NCKAP5: variants seen among roughly 807,000 people sequenced by gnomAD.
NCKAP5 encodes NCK associated protein 5.
In NCKAP5, 92 loss-of-function variants were observed where a neutral mutation model predicts 167.0. The ratio of observed to expected loss-of-function variants is 0.55; its 90% confidence interval spans 0.47 to 0.66. The LOEUF (loss-of-function observed/expected upper bound fraction) is 0.66. NCKAP5 is among the 30% of genes least tolerant of loss of function. The pLI is 0.00. For synonymous variants in NCKAP5, 891 were observed against 877.4 expected, an observed-to-expected ratio of 1.02 and a Z score of -0.27; for missense variants, 2,378 against 2,315.0, an observed-to-expected ratio of 1.03 and a Z score of -0.56.
chr2:132,885,789 T>C (rs1179862361), intron 8 of NCKAP5, among the ~76,000 whole-genome samples: 1 of 152,270 alleles, frequency 6.6e-6, no homozygotes, highest in African/African-American at 2.4e-5. Flanking sequence ...TCTGTAAGTA[T>C]GTATTATGTT....
At chr2:132,895,224 T>A (rs916656009) in intron 8 of NCKAP5, among the ~76,000 whole-genome samples, 2 of 151,300 alleles carry the variant, frequency 1.3e-5, no homozygotes, top group African/African-American at 4.9e-5. Flanking sequence ...CCAGCTACTC[T>A]GGAGGCTGAG....
chr2:133,166,612 G>A (rs1357436393), intron 5 of NCKAP5, among the ~76,000 whole-genome samples: 1 of 152,112 alleles, frequency 6.6e-6, no homozygotes, highest in Non-Finnish European at 1.5e-5. Context: ...CACAAATGAT[G>A]AAGTATGTTT....
intron 8 of NCKAP5, among the ~76,000 whole-genome samples, chr2:132,920,733 G>T (rs7424114): frequency 2.2e-4 from 12 of 53,732 alleles, no homozygotes; most frequent in African/African-American, 9.9e-4. Flanking sequence ...ATATATATAT[G>T]TATATATATG....
At chr2:133,186,826 T>C (rs577681541) in intron 5 of NCKAP5, among the ~76,000 whole-genome samples, 28 of 152,230 alleles carry the variant, frequency 1.8e-4, no homozygotes, top group African/African-American at 6.5e-4. Context: ...ATTACACTTA[T>C]TTGGACAATA....
chr2:133,242,729 C>T (rs1019629998), intron 4 of NCKAP5, among the ~76,000 whole-genome samples: 9 of 152,104 alleles, frequency 5.9e-5, no homozygotes, highest in Non-Finnish European at 1.0e-4. Context: ...TGAAAAACAG[C>T]GAAGACACTC....
At chr2:132,941,400 T>C (rs1365712629) in intron 8 of NCKAP5, among the ~76,000 whole-genome samples, 1 of 152,176 alleles carries the variant, frequency 6.6e-6, no homozygotes, top group East Asian at 1.9e-4. Flanking sequence ...GGTTATGCAA[T>C]GGCCCATGCT....
At chr2:133,313,399 TA>T (rs1681383814) in intron 3 of NCKAP5, among the ~76,000 whole-genome samples, 1 of 151,904 alleles carries the variant, frequency 6.6e-6, no homozygotes, top group Admixed American at 6.6e-5. Context: ...AATAATGAAA[TA>T]AATCTACACA....
rs986765246 is a variant in NCKAP5 at position 133,180,360 on chromosome 2, G to T, written c.207+33356C>A. On this transcript the variant is annotated intron_variant, in intron 5 of 19. Transcript: ENST00000409261. ...TCTTTTCTTTCTTTCTTTGAAACAG[G>T]GTCTCACTGTGTTGTTCAGGCTATA... Among the ~76,000 whole-genome samples, 3 of 151,916 alleles carry T rather than the reference G, an allele frequency of 2.0e-5. No homozygotes were observed. The South Asian group carries it at 6.3e-4, about 32-fold the overall frequency.
At chr2:133,647,755 A>AGGAAGGAAGG in the NCKAP5 span, among the ~76,000 whole-genome samples, 5 of 143,926 alleles carry the variant, frequency 3.5e-5, no homozygotes, top group African/African-American at 7.6e-5. Context: ...GAAGGAAAGA[A>AGGAAGGAAGG]AAGAAAAGAA....
At chr2:132,673,435 A>G in intron 19 of NCKAP5, 130 bp from the exon 20 acceptor site, 5 of 672,360 alleles carry the variant, frequency 7.4e-6, no homozygotes, top group Non-Finnish European at 1.1e-5. Context: ...GTCTTTAATA[A>G]TCTTCTAGTA....
intron 3 of NCKAP5, among the ~76,000 whole-genome samples, chr2:133,457,931 T>C (rs1258231094): frequency 2.0e-5 from 3 of 152,194 alleles, no homozygotes; most frequent in African/African-American, 7.2e-5. Flanking sequence ...TAAATTAGTG[T>C]GTAAGTGTGT....
At chr2:132,690,671 T>C (rs1354798939) in intron 19 of NCKAP5, among the ~76,000 whole-genome samples, 2 of 152,166 alleles carry the variant, frequency 1.3e-5, no homozygotes, top group African/African-American at 2.4e-5. Flanking sequence ...TGCTCCACTC[T>C]GCACCATAGG....
intron 3 of NCKAP5, among the ~76,000 whole-genome samples, chr2:133,327,865 A>G (rs1682557684): frequency 6.6e-6 from 1 of 152,086 alleles, no homozygotes; most frequent in East Asian, 1.9e-4. Flanking sequence ...ATCCCAGGAG[A>G]CACTGTTGTC....
intron 6 of NCKAP5, among the ~76,000 whole-genome samples, chr2:133,036,212 C>T (rs758759565): frequency 1.3e-4 from 20 of 151,834 alleles, no homozygotes; most frequent in Non-Finnish European, 2.8e-4. Context: ...ACTTGGGACC[C>T]GATGGCTTCA....
chr2:133,069,790 C>T (rs2080325765), intron 6 of NCKAP5, among the ~76,000 whole-genome samples: 1 of 151,900 alleles, frequency 6.6e-6, no homozygotes, highest in African/African-American at 2.4e-5. Flanking sequence ...ATTAGATTAA[C>T]AATTTAGAGT....
chr2:132,891,340 C>T (rs1692694753), intron 8 of NCKAP5, among the ~76,000 whole-genome samples: 1 of 152,104 alleles, frequency 6.6e-6, no homozygotes, highest in South Asian at 2.1e-4. Flanking sequence ...CTGCTGCTGG[C>T]CTGGGAACAG....
intron 5 of NCKAP5, among the ~76,000 whole-genome samples, chr2:133,202,033 T>G (rs1023608271): frequency 1.3e-5 from 2 of 152,152 alleles, no homozygotes; most frequent in African/African-American, 4.8e-5. Flanking sequence ...TGGAAAAAAC[T>G]ACTTTAAAGT....
intron 3 of NCKAP5, among the ~76,000 whole-genome samples, chr2:133,494,898 C>A (rs1040983084): frequency 1.3e-5 from 2 of 152,042 alleles, no homozygotes; most frequent in Non-Finnish European, 2.9e-5. Flanking sequence ...GGTCTTTTCC[C>A]TGATCCAAGA....
chr2:133,030,713 A>G (rs2078852433), intron 6 of NCKAP5, among the ~76,000 whole-genome samples: 1 of 152,204 alleles, frequency 6.6e-6, no homozygotes, highest in African/African-American at 2.4e-5. Context: ...CTTGGGGATT[A>G]TCTCAGTTCA....
Sources: gnomAD v4.1 joint callset for allele counts (sites outside exome capture counted in the v4.1 genomes callset) on GRCh38, gnomAD v4.1.1 for gene constraint, MANE v1.5 for transcripts, NCBI Gene and HGNC (gene_info 2026-07-23, HGNC 2026-07-21) for gene names.